Variants in KCNH6 observed in about 807,000 individuals in gnomAD.
The protein encoded by KCNH6 is potassium voltage-gated channel subfamily H member 6.
A neutral mutation model predicts 83.4 loss-of-function variants in KCNH6; 81 were observed. The ratio of observed to expected loss-of-function variants is 0.97; its 90% CI spans 0.81 to 1.17. The LOEUF (loss-of-function observed/expected upper bound fraction) is 1.17, where lower values mean the gene tolerates loss of function less well. Among genes scored for constraint, KCNH6 ranks in the 50% most tolerant of loss-of-function variants. The pLI is 0.00. For synonymous variants in KCNH6, 503 were observed against 545.6 expected (o/e 0.92, Z 1.09); for missense variants, 1,203 against 1,290.5 (o/e 0.93, Z 1.04).
chr17:63,529,407 C>T (rs2031931816), intron 2 of KCNH6, among the ~76,000 whole-genome samples: 1 of 152,224 alleles, frequency 6.6e-6, no homozygotes, highest in African/African-American at 2.4e-5. Flanking sequence ...AGAGCAGCAG[C>T]CTGGTTCTGG....
chr17:63,525,942 C>T (rs2031682996), intron 2 of KCNH6, among the ~76,000 whole-genome samples: 1 of 152,190 alleles, frequency 6.6e-6, no homozygotes, highest in African/African-American at 2.4e-5. Context: ...TTCTTTTCCT[C>T]TCCTTGACAC....
Position 63,525,756 on chromosome 17 carries a change from G to A in KCNH6, c.307+1387G>A, listed in dbSNP as rs1013018639. On this transcript the variant is annotated intron_variant, in intron 2 of 12. Coordinates refer to ENST00000314672, the MANE Select transcript of KCNH6 (RefSeq NM_001278919.2). ...AGGCAGCGGCAGCCAGGAAGGGACTGGGAAGAATCTGGCTTAGTGTGGCAG... is the reference window on the plus strand; with the variant it reads ...AGGCAGCGGCAGCCAGGAAGGGACTAGGAAGAATCTGGCTTAGTGTGGCAG... Among the ~76,000 whole-genome samples, 5 of 152,170 alleles carry A rather than the reference G, an allele frequency of 3.3e-5. No individual in the cohort carries two copies. The East Asian group carries it at 7.7e-4, about 23-fold the overall frequency.
chr17:63,527,848 G>C (rs993789824), intron 2 of KCNH6, among the ~76,000 whole-genome samples: 1 of 152,144 alleles, frequency 6.6e-6, no homozygotes, highest in Admixed American at 6.5e-5. Context: ...CTAGCCTCCT[G>C]TCTGCCTACC....
intron 2 of KCNH6, among the ~76,000 whole-genome samples, chr17:63,529,799 A>C (rs937807727): frequency 6.6e-6 from 1 of 152,344 alleles, no homozygotes; most frequent in Non-Finnish European, 1.5e-5. Flanking sequence ...CAGCAGAAGC[A>C]GACCTCGAGG....
rs777996289 is a variant in KCNH6, at chr17:63,544,249, A to C, written c.2234A>C (p.Asp745Ala). ...QGFFLSDNQS[D>A]AAPPLSISDA... ...TGAGACTTCCCTTTCCCTCCTGCAG[A>C]TGCAGCCCCTCCCCTGAGCATCTCA... Residue 745 changes from aspartate to alanine, a missense_variant and splice_region_variant, in exon 11 of 13, where the codon GAT (aspartate) becomes GCT (alanine). Coordinates refer to ENST00000314672, the MANE Select transcript of KCNH6 (RefSeq NM_001278919.2). 1.3e-6 allele frequency: 2 copies of C among 1,581,226 alleles called. No homozygotes were observed. The highest frequency in any genetic ancestry group is 2.3e-5 in the South Asian group (2 of 87,322).
chr17:63,545,805 T>C lies in KCNH6; in HGVS notation c.2780T>C (p.Phe927Ser), dbSNP rs747306930. The change falls in exon 13 of 13, where the codon TTC becomes TCC. Residue 927 changes from phenylalanine to serine, a missense_variant. By Grantham distance (155) the Phe-to-Ser change is radical. Transcript: ENST00000314672. ...CAAGGACTCATCTGTGGTCCCTGCT[T>C]CTCCTCCCTCCCTGAACACCTTGGC... is the stretch of plus-strand genomic sequence containing the variant. ...EVQGLICGPC[F>S]SSLPEHLGSV... The C allele has an allele frequency of 6.2e-7, 1 of 1,614,072 alleles. No individual in the cohort carries two copies. Among genetic ancestry groups the C allele is most frequent in the Admixed American group, 1.7e-5 (1 of 60,014 alleles).
chr17:63,534,226 T>C lies in KCNH6; in HGVS notation c.1016T>C (p.Val339Ala), dbSNP rs759002044. The C allele has an allele frequency of 5.0e-6, 8 of 1,614,120 alleles. No homozygotes were observed. In the South Asian group the frequency reaches 8.8e-5, roughly 18 times the overall value. ...GTCAGCCACCCCCGCCGCATCGCCG[T>C]CCACTACTTCAAGGGCTGGTTCCTC... Reference protein sequence around the residue: ...EVVSHPRRIAVHYFKGWFLID... With the variant: ...EVVSHPRRIAAHYFKGWFLID... Residue 339 changes from valine to alanine, a missense_variant, in exon 5 of 13, where the codon GTC becomes GCC. Coordinates refer to ENST00000314672, the MANE Select transcript of KCNH6 (RefSeq NM_001278919.2). This position sits in a 1 kb window ranked among gnomAD's most constrained non-coding sequence, Gnocchi z 5.0.
chr17:63,524,724 A>G (rs1166240905), intron 2 of KCNH6, among the ~76,000 whole-genome samples: 1 of 152,150 alleles, frequency 6.6e-6, no homozygotes, highest in East Asian at 1.9e-4. Context: ...GTCTGCTCCA[A>G]GGATTAGAGG....
At chr17:63,544,990 G>T (rs1381815735) in intron 11 of KCNH6, 88 bp from the exon 12 acceptor site, 1 of 1,341,812 alleles carries the variant, frequency 7.5e-7, no homozygotes, top group East Asian at 2.3e-5. Context: ...CATCTAGCAG[G>T]AACAGCACGC....
At chr17:63,532,227 G>A (rs566169596) in intron 4 of KCNH6, among the ~76,000 whole-genome samples, 1 of 152,206 alleles carries the variant, frequency 6.6e-6, no homozygotes, top group East Asian at 1.9e-4. Context: ...TCCCCACCCA[G>A]GCAGGCCTAG....
chr17:63,537,731 C>G (rs535918253), intron 6 of KCNH6, among the ~76,000 whole-genome samples: 1 of 152,284 alleles, frequency 6.6e-6, no homozygotes, highest in South Asian at 2.1e-4. Context: ...GCCACCACAC[C>G]CGGCGGAGAG....
At chr17:63,541,626 C>T (rs929448499) in intron 8 of KCNH6, among the ~76,000 whole-genome samples, 2 of 152,156 alleles carry the variant, frequency 1.3e-5, no homozygotes, top group African/African-American at 4.8e-5. Context: ...TCTCAAGCAT[C>T]ACCTCATCTG....
In KCNH6 at chr17:63,534,153, A is replaced by G. The variant is rs751152454; in HGVS notation, c.943A>G (p.Ile315Val). The G allele has an allele frequency of 9.4e-6, 15 of 1,604,114 alleles. No individual in the cohort carries two copies. The highest frequency in any genetic ancestry group is 2.3e-5 in the East Asian group (1 of 44,236). Residue 315 changes from isoleucine to valine, a missense_variant, in exon 5 of 13, where the codon ATC becomes GTC. By Grantham distance (29) the Ile-to-Val change is conservative. Coordinates refer to ENST00000314672, the MANE Select transcript of KCNH6 (RefSeq NM_001278919.2). This position sits in a 1 kb window ranked among gnomAD's most constrained non-coding sequence, Gnocchi z 5.0. Reference sequence around the variant, plus strand: ...CGTGGACATCATGTTCGTCGTGGACATCGTCATCAACTTCCGCACCACCTA... The same window carrying G: ...CGTGGACATCATGTTCGTCGTGGACGTCGTCATCAACTTCCGCACCACCTA... ...LIVDIMFVVDIVINFRTTYVN... is the reference protein window; with the variant it reads ...LIVDIMFVVDVVINFRTTYVN...
At position 63,545,866 on chromosome 17, in the gene KCNH6, C is replaced by T. The variant is rs2033123801; in HGVS notation, c.2841C>T (p.Gly947=). Residue 947 remains glycine (G), a synonymous_variant, in exon 13 of 13, where the codon GGC becomes GGT. Coordinates refer to ENST00000314672, the MANE Select transcript of KCNH6 (RefSeq NM_001278919.2). ...VPKQLDFQRH[G]SDPGFAGSWG... is the part of the protein sequence containing the mutation. ...AGCAGCTGGACTTCCAGAGACATGG[C>T]TCAGATCCTGGATTTGCAGGGAGTT... 1 of 1,613,904 alleles carries T rather than the reference C, an allele frequency of 6.2e-7. No homozygotes were observed. Among genetic ancestry groups the T allele is most frequent in the Admixed American group, 1.7e-5 (1 of 59,988 alleles).
chr17:63,542,953 G>C (rs1257062391), intron 9 of KCNH6, among the ~76,000 whole-genome samples: 1 of 152,156 alleles, frequency 6.6e-6, no homozygotes, highest in Non-Finnish European at 1.5e-5. Flanking sequence ...GAAAAATAAA[G>C]AGCCACAAAG....
Position 63,546,168 on chromosome 17 carries a change from A to T in KCNH6, c.*266A>T. 3.3e-6 allele frequency: 1 copy of T among 305,010 alleles called. No homozygotes were observed. 18.9% of individuals were successfully genotyped at this position (305,010 alleles called of 1,614,324 possible). On this transcript the variant is annotated 3_prime_UTR_variant, in exon 13 of 13. Transcript: ENST00000314672. ...GGCAGGAGAATGGCATGAACCCGGG[A>T]GGTGGAGGTTGCAGGGAGCCGAGGC...
rs2032702430 is a variant in KCNH6, at chr17:63,538,900, G to C, written c.1954+238G>C. The stretch of plus-strand genomic sequence containing the variant: ...GTTGAGGCTGAGGGAGATCATGCTA[G>C]TCTGTGGCCAGGCAGGGATTCCAGG... On this transcript the variant is annotated intron_variant, in intron 8 of 12. Transcript: ENST00000314672. This position sits in a 1 kb window ranked among gnomAD's most constrained non-coding sequence, Gnocchi z 4.0. Among the ~76,000 whole-genome samples, 3 of 152,190 alleles carry C rather than the reference G, an allele frequency of 2.0e-5. No homozygotes were observed. The South Asian group carries it at 6.2e-4, about 32-fold the overall frequency.
Position 63,538,190 on chromosome 17 carries a change from A to C in KCNH6, c.1627A>C (p.Asn543His). The change falls in exon 7 of 13, where the codon AAC (asparagine) becomes CAC (histidine). Residue 543 changes from asparagine to histidine, a missense_variant. Coordinates refer to ENST00000314672, the MANE Select transcript of KCNH6 (RefSeq NM_001278919.2). This position sits in a 1 kb window ranked among gnomAD's most constrained non-coding sequence, Gnocchi z 4.0. ...KEFIRFHQIP[N>H]PLRQRLEEYF... ...GTTCATCCGCTTCCACCAGATCCCC[A>C]ACCCACTGCGCCAGCGCCTGGAGGA... The C allele has an allele frequency of 6.2e-7, 1 of 1,614,148 alleles. No homozygotes were observed.
chr17:63,537,729 A>T (rs982215294), intron 6 of KCNH6, among the ~76,000 whole-genome samples: 1 of 152,046 alleles, frequency 6.6e-6, no homozygotes, highest in Non-Finnish European at 1.5e-5. Context: ...GAGCCACCAC[A>T]CCCGGCGGAG....
Sources: gnomAD v4.1 joint callset for allele counts (sites outside exome capture counted in the v4.1 genomes callset) on GRCh38, gnomAD v4.1.1 for gene constraint, Gnocchi (gnomAD v3.1) non-coding constraint, MANE v1.5 for transcripts, NCBI Gene and HGNC (gene_info 2026-07-23, HGNC 2026-07-21) for gene names.